PLCL1: variants seen among roughly 807,000 people sequenced by gnomAD.
The protein encoded by PLCL1 is phospholipase C like 1 (inactive).
In PLCL1, 41 loss-of-function variants were observed where a neutral mutation model predicts 84.4. The observed-to-expected ratio is 0.49, with a 90% confidence interval of 0.38 to 0.63. The LOEUF (loss-of-function observed/expected upper bound fraction) is 0.63. Among genes scored for constraint, PLCL1 ranks in the 30% least tolerant of loss-of-function variants. PLCL1 has a pLI of 0.00. For synonymous variants in PLCL1, 490 were observed against 488.3 expected (o/e 1.00, Z -0.05); for missense variants, 1,206 against 1,367.8 (o/e 0.88, Z 1.87).
intron 1 of PLCL1, among the ~76,000 whole-genome samples, chr2:197,992,022 C>G (rs916153906): frequency 6.6e-6 from 1 of 152,024 alleles, no homozygotes; most frequent in African/African-American, 2.4e-5. Flanking sequence ...GATGAGGCCC[C>G]TTGCTTGCTT....
chr2:197,824,724 A>AG (rs1690891985), intron 1 of PLCL1, among the ~76,000 whole-genome samples: 1 of 151,772 alleles, frequency 6.6e-6, no homozygotes, highest in South Asian at 2.1e-4. Context: ...AAAAAAAAAA[A>AG]AAAAAAAAAA....
intron 1 of PLCL1, among the ~76,000 whole-genome samples, chr2:197,848,419 A>C (rs941453021): frequency 1.3e-5 from 2 of 152,210 alleles, no homozygotes; most frequent in Admixed American, 1.3e-4. Context: ...ACAACGAGAA[A>C]TAAAGATAGC....
At chr2:198,049,980 G>A (rs1392136753) in intron 1 of PLCL1, among the ~76,000 whole-genome samples, 1 of 152,200 alleles carries the variant, frequency 6.6e-6, no homozygotes, top group Non-Finnish European at 1.5e-5. Flanking sequence ...TGTCCTGAAA[G>A]ACCTTGTATG....
At chr2:198,139,895 C>T (rs1476821204) in intron 5 of PLCL1, among the ~76,000 whole-genome samples, 1 of 151,898 alleles carries the variant, frequency 6.6e-6, no homozygotes, top group African/African-American at 2.4e-5. Flanking sequence ...CAAGGTATAA[C>T]AGGGACAATA....
intron 1 of PLCL1, among the ~76,000 whole-genome samples, chr2:198,077,660 C>T (rs1461762101): frequency 2.6e-5 from 4 of 152,112 alleles, no homozygotes; most frequent in Admixed American, 2.6e-4. Flanking sequence ...GTATAACTTC[C>T]AACACTGAAA....
intron 1 of PLCL1, among the ~76,000 whole-genome samples, chr2:197,884,515 G>C (rs552273070): frequency 1.3e-5 from 2 of 152,274 alleles, no homozygotes; most frequent in East Asian, 3.9e-4. Flanking sequence ...TGGTTACTAA[G>C]GAAGAAGTGG....
intron 1 of PLCL1, among the ~76,000 whole-genome samples, chr2:198,081,395 C>G (rs1692711033): frequency 6.6e-6 from 1 of 152,144 alleles, no homozygotes; most frequent in African/African-American, 2.4e-5. Flanking sequence ...CTCAGCAATG[C>G]CATTAGGTGC....
At chr2:198,125,769 A>T (rs973303528) in intron 5 of PLCL1, among the ~76,000 whole-genome samples, 45 of 152,154 alleles carry the variant, frequency 3.0e-4, no homozygotes, top group Admixed American at 1.8e-3. Flanking sequence ...GCCAGGATCC[A>T]TTGATTTCTT....
Position 198,118,510 on chromosome 2 carries a change from G to C in PLCL1, c.3105+14574G>C, listed in dbSNP as rs374653644. Among the ~76,000 whole-genome samples, 6 of 152,092 alleles carry C rather than the reference G, an allele frequency of 3.9e-5. No individual in the cohort carries two copies. The East Asian group carries it at 7.8e-4, about 20-fold the overall frequency. ...GATACTCAGGAAAAGTTTTCATAGA[G>C]ATCTCTGAACTACAGGAGACTTGAA... On this transcript the variant is annotated intron_variant, in intron 5 of 5. Transcript: ENST00000428675.
At chr2:198,089,816 A>T (rs1692975732) in intron 3 of PLCL1, among the ~76,000 whole-genome samples, 1 of 152,082 alleles carries the variant, frequency 6.6e-6, no homozygotes, top group African/African-American at 2.4e-5. Flanking sequence ...CCACCCAATA[A>T]CAATGAAAAA....
At chr2:197,998,679 C>T (rs535158218) in intron 1 of PLCL1, among the ~76,000 whole-genome samples, 2 of 152,268 alleles carry the variant, frequency 1.3e-5, no homozygotes, top group African/African-American at 2.4e-5. Flanking sequence ...CCTCCACAGG[C>T]AGTTGCTCCA....
At chr2:197,842,881 G>A (rs1158963781) in intron 1 of PLCL1, among the ~76,000 whole-genome samples, 2 of 152,154 alleles carry the variant, frequency 1.3e-5, no homozygotes, top group Admixed American at 6.5e-5. Flanking sequence ...CATGCACAGA[G>A]TGATATTTAA....
chr2:198,121,852 G>A (rs1244327999), intron 5 of PLCL1, among the ~76,000 whole-genome samples: 2 of 151,922 alleles, frequency 1.3e-5, no homozygotes, highest in Non-Finnish European at 2.9e-5. Context: ...TCTCTCAATA[G>A]GACCAGTGCC....
At chr2:197,817,965 T>C (rs1690725341) in intron 1 of PLCL1, among the ~76,000 whole-genome samples, 1 of 152,102 alleles carries the variant, frequency 6.6e-6, no homozygotes, top group Non-Finnish European at 1.5e-5. Context: ...CACTTAGCAG[T>C]GATCGTTGGA....
At chr2:197,865,079 G>T (rs536009495) in intron 1 of PLCL1, among the ~76,000 whole-genome samples, 18 of 152,244 alleles carry the variant, frequency 1.2e-4, no homozygotes, top group African/African-American at 4.1e-4. Flanking sequence ...AGGTTAATTA[G>T]CAACAAATCA....
rs1382462241 is a variant in PLCL1 at position 198,086,251 on chromosome 2, C to G, written c.2715+19C>G. Reference sequence around the variant, plus strand: ...TATGCAGGTAGGAGAAACACTCACACTCTCCTTCCCTATCCCTGCTTATTC... The same window carrying G: ...TATGCAGGTAGGAGAAACACTCACAGTCTCCTTCCCTATCCCTGCTTATTC... On this transcript the variant is annotated intron_variant, in intron 2 of 5. Transcript: ENST00000428675. 2.1e-6 allele frequency: 3 copies of G among 1,462,360 alleles called. No homozygotes were observed. The highest frequency in any genetic ancestry group is 2.3e-5 in the East Asian group (1 of 44,020). 90.6% of individuals were successfully genotyped at this position (1,462,360 alleles called of 1,614,324 possible). A position where few individuals can be genotyped will look rare whatever the true frequency, so the allele number is the denominator to read the frequency against.
intron 5 of PLCL1, among the ~76,000 whole-genome samples, chr2:198,106,222 C>A (rs1574316493): frequency 1.3e-5 from 2 of 151,986 alleles, no homozygotes; most frequent in Middle Eastern, 3.4e-3. Context: ...TGGCTCCAGA[C>A]CCTGTGTCTT....
At chr2:198,091,835 T>C (rs1484809153) in intron 3 of PLCL1, among the ~76,000 whole-genome samples, 1 of 152,142 alleles carries the variant, frequency 6.6e-6, no homozygotes, top group African/African-American at 2.4e-5. Context: ...AAACGGAAAC[T>C]CCTGACTGTG....
At chr2:197,836,254 G>A (rs924727498) in intron 1 of PLCL1, among the ~76,000 whole-genome samples, 1 of 151,746 alleles carries the variant, frequency 6.6e-6, no homozygotes, top group African/African-American at 2.4e-5. Flanking sequence ...GACCATCCCG[G>A]CTAAAACGGT....
Sources: allele counts gnomAD v4.1 joint callset (sites outside exome capture counted in the v4.1 genomes callset), GRCh38; gene constraint gnomAD v4.1.1; transcripts MANE v1.5; gene names NCBI Gene and HGNC (gene_info 2026-07-23, HGNC 2026-07-21).